The following RORA variants were observed in gnomAD, a reference collection of about 807,000 sequenced individuals.
RORA encodes nuclear receptor ROR-alpha.
RORA carries 7 observed loss-of-function variants against 69.5 expected under a neutral mutation model. The ratio of observed to expected loss-of-function variants is 0.10; its 90% CI spans 0.06 to 0.19. RORA has a LOEUF of 0.19. Ranked by LOEUF, RORA falls within the 10% of genes least tolerant of loss-of-function variation. The probability of loss-of-function intolerance (pLI) is 1.00; values close to 1 mark genes in which losing one functional copy is unlikely to be tolerated. For synonymous variants in RORA, 261 were observed against 240.8 expected (o/e 1.08, Z -0.78); for missense variants, 457 against 663.0 (o/e 0.69, Z 3.41).
chr15:60,871,527 A>G (rs2073556114), intron 1 of RORA, among the ~76,000 whole-genome samples: 1 of 152,212 alleles, frequency 6.6e-6, no homozygotes, highest in South Asian at 2.1e-4. Context: ...TATTAATATC[A>G]CCAACTCAGA....
chr15:60,857,107 A>G (rs11638434), intron 1 of RORA, among the ~76,000 whole-genome samples: 136,369 of 152,178 alleles, frequency 0.9, 61,567 homozygotes, highest in East Asian at 1. Flanking sequence ...CTTAGTTGGC[A>G]CCTATAAGGA....
intron 1 of RORA, among the ~76,000 whole-genome samples, chr15:61,014,973 T>A (rs146693808): frequency 2.8e-3 from 429 of 152,360 alleles, no homozygotes; most frequent in Non-Finnish European, 5.2e-3. Flanking sequence ...TTCTGCTCCA[T>A]TTTCTGCATT....
intron 1 of RORA, among the ~76,000 whole-genome samples, chr15:60,845,895 T>C (rs4326991): frequency 0.077 from 11,750 of 152,176 alleles, 651 homozygotes; most frequent in East Asian, 0.27. Context: ...TACAGGTGCC[T>C]GCCACCACAC....
intron 1 of RORA, among the ~76,000 whole-genome samples, chr15:60,814,302 C>T (rs1010101501): frequency 6.6e-6 from 1 of 152,148 alleles, no homozygotes; most frequent in Non-Finnish European, 1.5e-5. Flanking sequence ...GCATGTGACT[C>T]TCCTGTACTG....
intron 1 of RORA, among the ~76,000 whole-genome samples, chr15:61,136,392 AG>A (rs1328115223): frequency 6.6e-6 from 1 of 152,244 alleles, no homozygotes; most frequent in Non-Finnish European, 1.5e-5. Context: ...TGAAGTTCAT[AG>A]TTAAACAAAT....
intron 2 of RORA, among the ~76,000 whole-genome samples, chr15:60,648,066 A>G (rs916637716): frequency 6.6e-6 from 1 of 152,212 alleles, no homozygotes; most frequent in Admixed American, 6.5e-5. Flanking sequence ...CTAACTTAAT[A>G]TAAGGCAGAC....
In RORA at chr15:61,061,354, A is replaced by AAAAT. The variant is rs59914367; in HGVS notation, c.166+167695_166+167698dup. Among the ~76,000 whole-genome samples the AAAAT allele has an allele frequency of 0.36, 48,845 of 136,724 alleles. 9,069 individuals carry two copies. The highest frequency in any genetic ancestry group is 0.45 in the African/African-American group (16,651 of 36,872). The allele number at this position is 136,724 out of a possible 152,430, so 89.7% of individuals were successfully genotyped here. ...GAGACAGAGCGAGGCTCTATCTTAAAAAATAAATAAATAAATAAATAAATA... is the reference window on the plus strand; with the variant it reads ...GAGACAGAGCGAGGCTCTATCTTAAAAAATAAATAAATAAATAAATAAATAAATA... On this transcript the variant is annotated intron_variant, in intron 1 of 10. Coordinates refer to ENST00000335670, the MANE Select transcript of RORA (RefSeq NM_134261.3). The surrounding 1 kb of genome is among the most constrained non-coding windows in gnomAD (Gnocchi z 4.4).
At position 60,741,193 on chromosome 15, in the gene RORA, C is replaced by T. The variant is rs1196084660; in HGVS notation, c.167-62507G>A. ...GGACAGGAAGAGAAAGTTCAGTGAA[C>T]CAATGACTCAAATTCAATTCCCAGC... is the stretch of plus-strand genomic sequence containing the variant. On this transcript the variant is annotated intron_variant, in intron 1 of 10. Transcript: ENST00000335670. 2.0e-5 allele frequency among the ~76,000 whole-genome samples: 3 copies of T among 152,320 alleles called. No homozygotes were observed. The Middle Eastern group carries it at 0.01, about 518-fold the overall frequency.
At chr15:60,933,568 G>T (rs552296590) in intron 1 of RORA, among the ~76,000 whole-genome samples, 2 of 152,030 alleles carry the variant, frequency 1.3e-5, no homozygotes, top group Admixed American at 1.3e-4. Flanking sequence ...ATTCTGAATC[G>T]CAGGCATTTG....
intron 2 of RORA, among the ~76,000 whole-genome samples, chr15:60,593,820 T>C (rs1309678426): frequency 6.7e-6 from 1 of 148,328 alleles, no homozygotes; most frequent in Non-Finnish European, 1.5e-5. Context: ...AGGATAATTC[T>C]AGCATATTTT....
At chr15:61,025,898 G>A (rs903478915) in intron 1 of RORA, among the ~76,000 whole-genome samples, 1 of 152,168 alleles carries the variant, frequency 6.6e-6, no homozygotes, top group African/African-American at 2.4e-5. Flanking sequence ...TCCTAGCCAT[G>A]TATTTGAATT....
chr15:61,211,606 G>A (rs951329069), intron 1 of RORA, among the ~76,000 whole-genome samples: 1 of 152,174 alleles, frequency 6.6e-6, no homozygotes, highest in Non-Finnish European at 1.5e-5. Context: ...TGACACATTA[G>A]TGAAATATTG....
chr15:60,776,111 T>C (rs909599010), intron 1 of RORA, among the ~76,000 whole-genome samples: 9 of 152,126 alleles, frequency 5.9e-5, no homozygotes, highest in African/African-American at 2.2e-4. Flanking sequence ...CTGGCTCGGC[T>C]AGAATTGAGT....
intron 2 of RORA, chr15:60,630,495 G>A (rs2069710931): frequency 6.6e-6 from 1 of 152,170 alleles, no homozygotes; most frequent in Admixed American, 6.5e-5. Flanking sequence ...CAGCGTCCAA[G>A]GGAACCATTA....
chr15:61,187,311 C>CAAGTGGGGA (rs1405786531), intron 1 of RORA, among the ~76,000 whole-genome samples: 1 of 152,242 alleles, frequency 6.6e-6, no homozygotes, highest in African/African-American at 2.4e-5. Context: ...CCGCCAGGCC[C>CAAGTGGGGA]AAGTGGGGAA....
chr15:60,870,427 G>A (rs945467423), intron 1 of RORA, among the ~76,000 whole-genome samples: 27 of 152,276 alleles, frequency 1.8e-4, no homozygotes, highest in Middle Eastern at 3.4e-3. Context: ...CAGGTTGTAC[G>A]GAAGAAGCAG....
chr15:60,781,133 A>C (rs1438585509), intron 1 of RORA, among the ~76,000 whole-genome samples: 1 of 152,126 alleles, frequency 6.6e-6, no homozygotes, highest in Non-Finnish European at 1.5e-5. Context: ...TCTGCTTCTT[A>C]AGTGCATAGA....
chr15:60,909,548 A>T (rs1448269279), intron 1 of RORA, among the ~76,000 whole-genome samples: 1 of 152,226 alleles, frequency 6.6e-6, no homozygotes, highest in Non-Finnish European at 1.5e-5. Flanking sequence ...CTGAAAAAAA[A>T]CCATAGAAAA....
intron 1 of RORA, among the ~76,000 whole-genome samples, chr15:60,961,684 T>C (rs999472316): frequency 6.6e-6 from 1 of 152,160 alleles, no homozygotes; most frequent in Non-Finnish European, 1.5e-5. Flanking sequence ...ATGGCTTTAA[T>C]AGTTTAATCC....
Sources: allele counts gnomAD v4.1 joint callset (sites outside exome capture counted in the v4.1 genomes callset), GRCh38; gene constraint gnomAD v4.1.1; non-coding constraint Gnocchi (gnomAD v3.1); transcripts MANE v1.5; gene names NCBI Gene and HGNC (gene_info 2026-07-23, HGNC 2026-07-21).